The following NFASC variants were observed in gnomAD, a reference collection of about 807,000 sequenced individuals.
The protein encoded by NFASC is neurofascin homolog.
A neutral mutation model predicts 147.5 loss-of-function variants in NFASC; 43 were observed. The observed-to-expected ratio is 0.29, with a 90% CI of 0.23 to 0.38. The LOEUF (loss-of-function observed/expected upper bound fraction) is 0.38, where lower values mean the gene tolerates loss of function less well. Ranked by LOEUF, NFASC falls within the 10% of genes least tolerant of loss-of-function variation. The pLI, the probability that NFASC is intolerant of heterozygous loss-of-function variation, is 1.00. For missense variants in NFASC, 1,320 were observed against 1,689.0 expected (o/e 0.78, Z 3.83); for synonymous variants, 622 against 665.5 (o/e 0.93, Z 1.01).
At chr1:204,982,979 A>G (rs1416433753) in intron 21 of NFASC, among the ~76,000 whole-genome samples, 1 of 152,234 alleles carries the variant, frequency 6.6e-6, no homozygotes, top group Non-Finnish European at 1.5e-5. Flanking sequence ...TGGACTCACA[A>G]GGGAGATGAG....
At chr1:204,903,909 GT>G (rs1386814466) in intron 1 of NFASC, among the ~76,000 whole-genome samples, 1 of 152,222 alleles carries the variant, frequency 6.6e-6, no homozygotes, top group African/African-American at 2.4e-5. Flanking sequence ...TCACAGGGTT[GT>G]AGGGTGTTTG....
chr1:204,906,735 T>A (rs1409070566), intron 1 of NFASC, among the ~76,000 whole-genome samples: 1 of 151,614 alleles, frequency 6.6e-6, no homozygotes, highest in Admixed American at 6.6e-5. Context: ...CAGGCTGGAG[T>A]GCAGTGGCGC....
rs773535543 is a variant in NFASC at position 204,977,676 on chromosome 1, T to C, written c.1832-5T>C. On this transcript the variant is annotated splice_region_variant and splice_polypyrimidine_tract_variant and intron_variant, in intron 16 of 29. Transcript: ENST00000339876. ...TAACCTGGATAACCCGTCTTACCTT[T>C]GCAGCTGATCAGGCCACTCCAACTA... 6.2e-7 allele frequency: 1 copy of C among 1,608,468 alleles called. No homozygotes were observed. The highest frequency in any genetic ancestry group is 1.1e-5 in the South Asian group (1 of 90,702).
intron 1 of NFASC, chr1:204,870,606 G>A: frequency 1.0e-6 from 1 of 953,326 alleles, no homozygotes; most frequent in Non-Finnish European, 1.3e-6. Flanking sequence ...CCCCTCAGGA[G>A]CACAGCCTGG....
chr1:204,982,478 C>CG (rs2095527855), intron 21 of NFASC, among the ~76,000 whole-genome samples: 2 of 152,204 alleles, frequency 1.3e-5, no homozygotes, highest in African/African-American at 4.8e-5. Flanking sequence ...GAGGTTCCCC[C>CG]GGGGAAGCCT....
intron 3 of NFASC, chr1:204,946,441 G>A: frequency 2.3e-6 from 1 of 431,848 alleles, no homozygotes; most frequent in East Asian, 7.2e-5. Flanking sequence ...CAGATGCTCT[G>A]GCTGTGTCGG....
At chr1:204,904,313 G>A (rs2085306915) in intron 1 of NFASC, among the ~76,000 whole-genome samples, 2 of 152,138 alleles carry the variant, frequency 1.3e-5, no homozygotes, top group Admixed American at 1.3e-4. Flanking sequence ...GCCCAGGCTG[G>A]TCTCGAACTC....
chr1:204,976,642 C>G (rs532289899), intron 15 of NFASC, 29 bp from the exon 16 acceptor site: 1 of 1,573,936 alleles, frequency 6.4e-7, no homozygotes, highest in African/African-American at 1.3e-5. Context: ...CTACCCCCTC[C>G]TCCCAACCCT....
chr1:204,828,872 C>T, intron 1 of NFASC, 90 bp downstream of exon 1: 1 of 890,612 alleles, frequency 1.1e-6, no homozygotes, highest in Non-Finnish European at 1.4e-6. Context: ...TCGTCTGTCT[C>T]CATCCCCTGA....
chr1:204,899,953 C>T (rs372172038), intron 1 of NFASC, among the ~76,000 whole-genome samples: 9 of 152,154 alleles, frequency 5.9e-5, no homozygotes, highest in South Asian at 2.1e-4. Flanking sequence ...ATCTGTAAAG[C>T]GGGTGTCATG....
intron 1 of NFASC, among the ~76,000 whole-genome samples, chr1:204,917,187 A>G (rs1159436079): frequency 2.0e-5 from 3 of 152,210 alleles, no homozygotes; most frequent in Non-Finnish European, 4.4e-5. Flanking sequence ...ACTCTACTCC[A>G]GCCTGAGTGT....
Position 204,980,387 on chromosome 1 carries a change from G to A in NFASC, c.2194G>A (p.Gly732Ser). Residue 732 changes from glycine to serine, a missense_variant, in exon 20 of 30, where the codon GGT (glycine) becomes AGT (serine). By Grantham distance (56) the Gly-to-Ser change is moderately conservative. This residue lies in a region of NFASC where 981 missense variants were observed against 1,289.5 expected (regional missense o/e 0.76). Transcript: ENST00000339876. The stretch of plus-strand genomic sequence containing the variant: ...GGTTCCAGCCCCCGAGTCCAATCCT[G>A]GTGACGTGAAGGGAGAGGGGACCAG... The part of the protein sequence containing the change: ...TSGAPPESNP[G>S]DVKGEGTRKN... The A allele has an allele frequency of 6.2e-7, 1 of 1,613,706 alleles. No homozygotes were observed. Among genetic ancestry groups the A allele is most frequent in the East Asian group, 2.2e-5 (1 of 44,868 alleles).
At chr1:204,902,018 C>G (rs2759280) in intron 1 of NFASC, among the ~76,000 whole-genome samples, 5 of 151,712 alleles carry the variant, frequency 3.3e-5, no homozygotes, top group African/African-American at 1.2e-4. Context: ...CCCAGTTTCT[C>G]TAAAAAAAAA....
chr1:204,860,818 T>C (rs894826252), intron 1 of NFASC, among the ~76,000 whole-genome samples: 10 of 152,198 alleles, frequency 6.6e-5, no homozygotes, highest in African/African-American at 2.4e-4. Context: ...GGACACTTCA[T>C]GTCAGTGGAA....
intron 1 of NFASC, among the ~76,000 whole-genome samples, chr1:204,829,192 C>T (rs1025474398): frequency 3.3e-5 from 5 of 150,420 alleles, no homozygotes; most frequent in South Asian, 2.1e-4. Context: ...ACACATCAGC[C>T]CCTTCTTGCC....
chr1:204,875,979 C>G (rs897086336), intron 1 of NFASC, among the ~76,000 whole-genome samples: 8 of 152,110 alleles, frequency 5.3e-5, no homozygotes, highest in African/African-American at 1.2e-4. Flanking sequence ...TAGACTCAGC[C>G]TAGAATTGCC....
rs147657218 is a variant in NFASC, at chr1:204,974,186, G to T, written c.1287G>T (p.Pro429=). The change falls in exon 13 of 30, where the codon CCG becomes CCT. Residue 429 remains proline (P), a synonymous_variant. Coordinates refer to ENST00000339876, the MANE Select transcript of NFASC (RefSeq NM_001005388.3). ...ANAFVSVLDV[P]PRMLSPRNQL... is the part of the protein sequence containing the mutation. ...CTTCTCTGGGAATTTCAGATGTGCC[G>T]CCTCGGATGCTGTCGCCCCGGAACC... is the stretch of plus-strand genomic sequence containing the variant. The T allele has an allele frequency of 3.1e-6, 5 of 1,613,328 alleles. No homozygotes were observed. Among genetic ancestry groups the T allele is most frequent in the African/African-American group, 1.3e-5 (1 of 74,890 alleles).
chr1:204,948,546 C>A, intron 3 of NFASC: 1 of 516,792 alleles, frequency 1.9e-6, no homozygotes, highest in South Asian at 1.4e-5. Flanking sequence ...CCCCAGCTGG[C>A]TCGCTCACCT....
chr1:204,978,825 CT>C, intron 17 of NFASC, 142 bp from the exon 18 acceptor site: 1 of 602,714 alleles, frequency 1.7e-6, no homozygotes, highest in Non-Finnish European at 2.9e-6. Context: ...GGAGTGGTCC[CT>C]GTGCTCACCC....
Sources: gnomAD v4.1 joint callset for allele counts (sites outside exome capture counted in the v4.1 genomes callset) on GRCh38, gnomAD v4.1.1 for gene constraint, gnomAD v4.1.1 regional missense constraint, MANE v1.5 for transcripts, NCBI Gene and HGNC (gene_info 2026-07-23, HGNC 2026-07-21) for gene names.